The following TRIM21 variants were observed in gnomAD, a reference collection of about 807,000 sequenced individuals.
TRIM21 encodes tripartite motif containing 21, also known as E3 ubiquitin-protein ligase TRIM21.
In TRIM21, 35 loss-of-function variants were observed where a neutral mutation model predicts 36.1. The ratio of observed to expected loss-of-function variants is 0.97; its 90% CI spans 0.74 to 1.28. TRIM21 has a LOEUF of 1.28. TRIM21 is among the 50% of genes most tolerant of loss of function. The pLI, the probability that TRIM21 is intolerant of heterozygous loss-of-function variation, is 0.00. For missense variants in TRIM21, 635 were observed against 570.7 expected, an observed-to-expected ratio of 1.11 and a Z score of -1.15; for synonymous variants, 256 against 211.5, an observed-to-expected ratio of 1.21 and a Z score of -1.83.
At chr11:4,386,300 C>T (rs774581041) in intron 5 of TRIM21, 43 bp from the exon 6 acceptor site, 15 of 1,501,692 alleles carry the variant, frequency 1.0e-5, no homozygotes, top group Non-Finnish European at 1.2e-5. Context: ...CTACTCCTAT[C>T]CCAAACCCTA....
rs754776451 is a variant in TRIM21, at chr11:4,390,129, A to C, written c.281T>G (p.Val94Gly). 6.2e-7 allele frequency: 1 copy of C among 1,613,962 alleles called. No individual in the cohort carries two copies. Among genetic ancestry groups the C allele is most frequent in the Non-Finnish European group, 8.5e-7 (1 of 1,179,868 alleles). ...GAACAGGTGAAGTCTCTCTCCATGC[A>C]CTGCACACCGTTCCCCCTGTGTGCC... ...REGTQGERCAVHGERLHLFCE... is the reference protein window; with the variant it reads ...REGTQGERCAGHGERLHLFCE... Residue 94 changes from valine (V) to glycine (G), a missense_variant, in exon 2 of 7, where the codon GTG (valine) becomes GGG (glycine). Coordinates refer to ENST00000254436, the MANE Select transcript of TRIM21 (RefSeq NM_003141.4).
rs1443023940 is a variant in TRIM21, at chr11:4,388,675, G to GCA, written c.505-146_505-145insTG. 7 of 751,394 alleles carry GCA rather than the reference G, an allele frequency of 9.3e-6. No homozygotes were observed. The African/African-American group carries it at 1.2e-4, about 13-fold the overall frequency. The allele number at this position is 751,394 out of a possible 1,614,324, so 46.5% of individuals were successfully genotyped here. On this transcript the variant is annotated intron_variant, in intron 3 of 6. Transcript: ENST00000254436. ...CACACACACATGCACACGCACACGC[G>GCA]CGCACACACACACACACACAATTTT...
Position 4,386,149 on chromosome 11 carries a change from T to C in TRIM21, c.859+8A>G. 2 of 1,612,576 alleles carry C rather than the reference T, an allele frequency of 1.2e-6. No homozygotes were observed. Among genetic ancestry groups the C allele is most frequent in the East Asian group, 2.2e-5 (1 of 44,886 alleles). On this transcript the variant is annotated splice_region_variant and intron_variant, in intron 6 of 6. Coordinates refer to ENST00000254436, the MANE Select transcript of TRIM21 (RefSeq NM_003141.4). ...CATTATCCCCCGCAAAACTAGAACT[T>C]GCCTCACCTGCACATGTCCTCAGCA...
Position 4,388,299 on chromosome 11 carries a change from C to T in TRIM21, c.735+1G>A. ...TAGAAGGAAACCCCTCCCTGTCTCA[C>T]CTGCAGCAGTTCCAGTGCTGAGCTG... On this transcript the variant is annotated splice_donor_variant, in intron 4 of 6. Transcript: ENST00000254436. LOFTEE classifies it high-confidence loss of function. The T allele has an allele frequency of 6.2e-7, 1 of 1,607,764 alleles. No individual in the cohort carries two copies. Among genetic ancestry groups the T allele is most frequent in the Non-Finnish European group, 8.5e-7 (1 of 1,174,956 alleles).
intron 3 of TRIM21, among the ~76,000 whole-genome samples, chr11:4,388,805 T>C (rs1338429859): frequency 6.6e-6 from 1 of 152,102 alleles, no homozygotes. Flanking sequence ...ATATATGGCA[T>C]TGGGGACTTT....
In TRIM21 at chr11:4,385,863, G is replaced by T. The variant is rs766961981; in HGVS notation, c.860-10C>A. On this transcript the variant is annotated splice_polypyrimidine_tract_variant and intron_variant, in intron 6 of 6. Transcript: ENST00000254436. ...TCCAGAGTGATGTGGACTGCAGAGA[G>T]AGGACCACAGTCAGGCCTTGCATGG... is the stretch of plus-strand genomic sequence containing the variant. The T allele has an allele frequency of 6.3e-6, 10 of 1,596,762 alleles. No individual in the cohort carries two copies. Among genetic ancestry groups the T allele is most frequent in the Non-Finnish European group, 8.5e-6 (10 of 1,170,766 alleles).
In TRIM21 at chr11:4,390,008, C is replaced by G; in HGVS notation, c.402G>C (p.Glu134Asp). ...GGTGTCTCTTAGGCCTCACCTGGTA[C>G]TCCTGTGCAGCCTCCTCAAGAGGGA... ...AMVPLEEAAQ[E>D]YQEKLQVALG... Residue 134 changes from glutamate (E) to aspartate (D), a missense_variant, in exon 2 of 7, where the codon GAG becomes GAC. Coordinates refer to ENST00000254436, the MANE Select transcript of TRIM21 (RefSeq NM_003141.4). 6.2e-7 allele frequency: 1 copy of G among 1,613,642 alleles called. No individual in the cohort carries two copies. The highest frequency in any genetic ancestry group is 8.5e-7 in the Non-Finnish European group (1 of 1,179,686).
At position 4,390,164 on chromosome 11, in the gene TRIM21, C is replaced by G. The variant is rs977339312; in HGVS notation, c.246G>C (p.Glu82Asp). 3.1e-6 allele frequency: 5 copies of G among 1,613,932 alleles called. No individual in the cohort carries two copies. In the African/African-American group the frequency reaches 6.7e-5, roughly 22 times the overall value. ...MVNNLKEISQEAREGTQGERC... is the reference protein window; with the variant it reads ...MVNNLKEISQDAREGTQGERC... ...GTTCCCCCTGTGTGCCCTCTCTGGC[C>G]TCCTGGCTGATTTCTTTAAGGTTGT... The change falls in exon 2 of 7, where the codon GAG becomes GAC. Residue 82 changes from glutamate (E) to aspartate (D), a missense_variant. Transcript: ENST00000254436.
Position 4,385,734 on chromosome 11 carries a change from T to TATCA in TRIM21, c.975_978dup (p.Ser327Ter). 6.2e-7 allele frequency: 1 copy of TATCA among 1,613,328 alleles called. No homozygotes were observed. Among genetic ancestry groups the TATCA allele is most frequent in the Non-Finnish European group, 8.5e-7 (1 of 1,179,666 alleles). The stretch of plus-strand genomic sequence containing the variant: ...TGGGCACCCAGGACCATAGGATAAC[T>TATCA]ATCAAATCTCTCTTCATTTCCAGGT... On this transcript the variant is annotated stop_gained and frameshift_variant, in exon 7 of 7. Transcript: ENST00000254436. LOFTEE classifies it low-confidence loss of function (END_TRUNC).
intron 3 of TRIM21, 51 bp downstream of exon 3, chr11:4,389,603 G>T: frequency 6.6e-7 from 1 of 1,514,296 alleles, no homozygotes; most frequent in South Asian, 1.1e-5. Flanking sequence ...GAGGACTCTG[G>T]ACCCTGCCCA....
intron 1 of TRIM21, among the ~76,000 whole-genome samples, chr11:4,392,127 C>T (rs948037141): frequency 1.3e-5 from 2 of 152,030 alleles, no homozygotes; most frequent in African/African-American, 4.8e-5. Context: ...AGATGCCCCA[C>T]TTACCCTGAT....
At chr11:4,388,214 C>A in intron 4 of TRIM21, 86 bp downstream of exon 4, 1 of 1,154,080 alleles carries the variant, frequency 8.7e-7, no homozygotes. Context: ...GACCAGGTGT[C>A]CATTTATTCA....
chr11:4,387,448 G>A (rs1022959759), intron 4 of TRIM21, among the ~76,000 whole-genome samples: 1 of 152,132 alleles, frequency 6.6e-6, no homozygotes, highest in African/African-American at 2.4e-5. Flanking sequence ...GGTACTTAAT[G>A]TTGCCTCTTC....
Position 4,385,086 on chromosome 11 carries a change from T to C in TRIM21, c.*199A>G, listed in dbSNP as rs1033838156. 18 of 558,528 alleles carry C rather than the reference T, an allele frequency of 3.2e-5. No individual in the cohort carries two copies. The highest frequency in any genetic ancestry group is 5.6e-5 in the Non-Finnish European group (18 of 319,894). The allele number at this position is 558,528 out of a possible 1,614,324, so 34.6% of individuals were successfully genotyped here. A position where few individuals can be genotyped will look rare whatever the true frequency, so the allele number is the denominator to read the frequency against. ...GAGTTTGGGCCAAATATAAGGAGGC[T>C]GCTTCACTGGAGGGAATCACAAAGC... On this transcript the variant is annotated 3_prime_UTR_variant, in exon 7 of 7. Coordinates refer to ENST00000254436, the MANE Select transcript of TRIM21 (RefSeq NM_003141.4).
At position 4,385,059 on chromosome 11, in the gene TRIM21, A is replaced by G; in HGVS notation, c.*226T>C. 1 of 501,394 alleles carries G rather than the reference A, an allele frequency of 2.0e-6. No homozygotes were observed. The allele number at this position is 501,394 out of a possible 1,614,324, so 31.1% of individuals were successfully genotyped here. A position where few individuals can be genotyped will look rare whatever the true frequency, so the allele number is the denominator to read the frequency against. Reference sequence around the variant, plus strand: ...AGAAACATGTTTTTGGTTGATCAAGATGAGTTTGGGCCAAATATAAGGAGG... The same window carrying G: ...AGAAACATGTTTTTGGTTGATCAAGGTGAGTTTGGGCCAAATATAAGGAGG... On this transcript the variant is annotated 3_prime_UTR_variant, in exon 7 of 7. Transcript: ENST00000254436.
Position 4,386,255 on chromosome 11 carries a change from C to T in TRIM21, c.761G>A (p.Ser254Asn). ...CAGGTCCTTCAGGTTCCAGGACTCA[C>T]TCCTGGGGGAAAGAGAGTTTGAGAC... Reference protein sequence around the residue: ...LQEVIIVLERSESWNLKDLDI... With the variant: ...LQEVIIVLERNESWNLKDLDI... Residue 254 changes from serine to asparagine, a missense_variant and splice_region_variant, in exon 6 of 7, where the codon AGT becomes AAT. Ser to Asn is a conservative substitution (Grantham distance 46). Coordinates refer to ENST00000254436, the MANE Select transcript of TRIM21 (RefSeq NM_003141.4). 1 of 1,612,336 alleles carries T rather than the reference C, an allele frequency of 6.2e-7. No homozygotes were observed. Among genetic ancestry groups the T allele is most frequent in the Non-Finnish European group, 8.5e-7 (1 of 1,178,446 alleles).
At position 4,388,380 on chromosome 11, in the gene TRIM21, C is replaced by T. The variant is rs764736589; in HGVS notation, c.655G>A (p.Ala219Thr). The T allele has an allele frequency of 1.2e-6, 2 of 1,613,846 alleles. No homozygotes were observed. Among genetic ancestry groups the T allele is most frequent in the East Asian group, 2.2e-5 (1 of 44,866 alleles). Residue 219 changes from alanine to threonine, a missense_variant, in exon 4 of 7, where the codon GCC becomes ACC. By Grantham distance (58) the Ala-to-Thr change is moderately conservative. Transcript: ENST00000254436. Reference sequence around the variant, plus strand: ...TCCTGTAGGGCCTGGCTCTGCTGGGCCAGCTTGGCCTCTTTCTCCCCCAGG... The same window carrying T: ...TCCTGTAGGGCCTGGCTCTGCTGGGTCAGCTTGGCCTCTTTCTCCCCCAGG... The part of the protein sequence containing the change: ...RILGEKEAKL[A>T]QQSQALQELI...
chr11:4,385,673 T>A lies in TRIM21; in HGVS notation c.1040A>T (p.Asp347Val), dbSNP rs1406424840. ...GTCCCAGGCCTCCTTTCCTGTCACA[T>A]CTACCTCCCAGTAATGTTTTCCAGA... ...FHSGKHYWEV[D>V]VTGKEAWDLG... Residue 347 changes from aspartate (D) to valine (V), a missense_variant, in exon 7 of 7, where the codon GAT (aspartate) becomes GTT (valine). Coordinates refer to ENST00000254436, the MANE Select transcript of TRIM21 (RefSeq NM_003141.4). The A allele has an allele frequency of 1.9e-6, 3 of 1,613,222 alleles. No homozygotes were observed. Among genetic ancestry groups the A allele is most frequent in the Non-Finnish European group, 1.7e-6 (2 of 1,179,660 alleles).
intron 1 of TRIM21, among the ~76,000 whole-genome samples, chr11:4,392,515 CAA>C (rs2094964182): frequency 6.6e-6 from 1 of 151,886 alleles, no homozygotes; most frequent in African/African-American, 2.4e-5. Context: ...TGCAGTGAGC[CAA>C]GATTGTGCCA....
Sources: allele counts gnomAD v4.1 joint callset (sites outside exome capture counted in the v4.1 genomes callset), GRCh38; gene constraint gnomAD v4.1.1; transcripts MANE v1.5; gene names NCBI Gene and HGNC (gene_info 2026-07-23, HGNC 2026-07-21).